The following SDAD1 variants were observed in gnomAD, a reference collection of about 807,000 sequenced individuals.
SDAD1 encodes the protein SDA1 domain containing 1.
Under a neutral mutation model 100.3 loss-of-function variants are expected in SDAD1, and 79 were observed. That is an observed-to-expected ratio of 0.79 (90% CI 0.66 to 0.95). The LOEUF is 0.95. SDAD1 is among the 40% of genes least tolerant of loss of function. The pLI is 0.00. For missense variants in SDAD1, 790 were observed against 810.9 expected (o/e 0.97, Z 0.31); for synonymous variants, 267 against 271.4 (o/e 0.98, Z 0.16).
At chr4:75,972,065 A>G (rs545609698) in intron 8 of SDAD1, among the ~76,000 whole-genome samples, 48 of 151,858 alleles carry the variant, frequency 3.2e-4, no homozygotes, top group African/African-American at 1.1e-3. Flanking sequence ...CAGCCTCCCA[A>G]GTAGCTGGGA....
Position 75,977,679 on chromosome 4 carries a change from T to C in SDAD1, c.372A>G (p.Glu124=). 1 of 1,613,106 alleles carries C rather than the reference T, an allele frequency of 6.2e-7. No individual in the cohort carries two copies. The highest frequency in any genetic ancestry group is 8.5e-7 in the Non-Finnish European group (1 of 1,179,516). Residue 124 remains glutamate (E), a synonymous_variant, in exon 4 of 22, where the codon GAA becomes GAG. Coordinates refer to ENST00000356260, the MANE Select transcript of SDAD1 (RefSeq NM_018115.4). Reference sequence around the variant, plus strand: ...GAAGTTTATCATGGCAACGAAAAAGTTCAAAGAAGAGTTCTAGCAGGCTTG... The same window carrying C: ...GAAGTTTATCATGGCAACGAAAAAGCTCAAAGAAGAGTTCTAGCAGGCTTG... The part of the protein sequence containing the change: ...NPSSLLELFF[E]LFRCHDKLLR...
rs1397275730 is a variant in SDAD1 at position 75,950,468 on chromosome 4, C to T, written c.*282G>A. 6.2e-6 allele frequency: 2 copies of T among 324,424 alleles called. No individual in the cohort carries two copies. The highest frequency in any genetic ancestry group is 1.2e-5 in the Non-Finnish European group (2 of 170,350). 20.1% of individuals were successfully genotyped at this position (324,424 alleles called of 1,614,324 possible). ...TTGAGTGAAGGGGTTACAGCTCATTCGTTTTGCATCTACAGTGACAATGAA... is the reference window on the plus strand; with the variant it reads ...TTGAGTGAAGGGGTTACAGCTCATTTGTTTTGCATCTACAGTGACAATGAA... On this transcript the variant is annotated 3_prime_UTR_variant, in exon 22 of 22. Transcript: ENST00000356260.
chr4:75,988,524 C>A (rs1731037106), intron 1 of SDAD1, among the ~76,000 whole-genome samples: 1 of 152,228 alleles, frequency 6.6e-6, no homozygotes, highest in South Asian at 2.1e-4. Flanking sequence ...TCACCCCCAA[C>A]ATACATAAGT....
In SDAD1 at chr4:75,957,626, T is replaced by C. The variant is rs761309920; in HGVS notation, c.1661A>G (p.Glu554Gly). ...GGCCATGCGGATTTTCTGGAAGTCT[T>C]CCTGAGTTAAAACTCGGCTAGTGCT... ...AISTSRVLTQEDFQKIRMAQM... is the reference protein window; with the variant it reads ...AISTSRVLTQGDFQKIRMAQM... The change falls in exon 19 of 22, where the codon GAA becomes GGA. Residue 554 changes from glutamate (E) to glycine (G), a missense_variant. Glu to Gly is a moderately conservative substitution (Grantham distance 98). Coordinates refer to ENST00000356260, the MANE Select transcript of SDAD1 (RefSeq NM_018115.4). 1.8e-5 allele frequency: 29 copies of C among 1,614,078 alleles called. 1 individual carries two copies. In the South Asian group the frequency reaches 3.1e-4, roughly 17 times the overall value.
chr4:75,952,325 C>T (rs1041469100), intron 21 of SDAD1, among the ~76,000 whole-genome samples: 1 of 152,122 alleles, frequency 6.6e-6, no homozygotes, highest in Non-Finnish European at 1.5e-5. Flanking sequence ...GAATTTACTT[C>T]CACTCATTAA....
At chr4:75,955,584 T>A (rs926454014) in intron 21 of SDAD1, among the ~76,000 whole-genome samples, 9 of 152,214 alleles carry the variant, frequency 5.9e-5, no homozygotes, top group African/African-American at 1.9e-4. Flanking sequence ...AAACCAGGCA[T>A]AAAATTGGCA....
intron 3 of SDAD1, 21 bp from the exon 4 acceptor site, chr4:75,977,777 A>G (rs1578140209): frequency 7.0e-7 from 1 of 1,418,756 alleles, no homozygotes. Context: ...AAAAAAACAT[A>G]CCATAAGACA....
chr4:75,990,069 G>C (rs576041857), intron 1 of SDAD1, among the ~76,000 whole-genome samples: 4 of 152,154 alleles, frequency 2.6e-5, no homozygotes, highest in Non-Finnish European at 5.9e-5. Flanking sequence ...CTTTCGTTTT[G>C]TCGGTACTTG....
chr4:75,986,229 C>A (rs1268438451), intron 1 of SDAD1, among the ~76,000 whole-genome samples: 2 of 152,188 alleles, frequency 1.3e-5, no homozygotes. Flanking sequence ...ATCAATCCAA[C>A]TGCCCTAGCC....
chr4:75,952,617 A>C (rs914653020), intron 21 of SDAD1, among the ~76,000 whole-genome samples: 1 of 152,112 alleles, frequency 6.6e-6, no homozygotes, highest in Non-Finnish European at 1.5e-5. Context: ...AATATCACCA[A>C]AGGGTAGGGG....
chr4:75,958,949 T>C (rs1375850674), intron 17 of SDAD1, among the ~76,000 whole-genome samples: 1 of 151,042 alleles, frequency 6.6e-6, no homozygotes, highest in Non-Finnish European at 1.5e-5. Context: ...ATACAAAAAA[T>C]TAGCTAGGTG....
At chr4:75,971,838 C>A (rs1204533464) in intron 8 of SDAD1, among the ~76,000 whole-genome samples, 1 of 152,064 alleles carries the variant, frequency 6.6e-6, no homozygotes, top group African/African-American at 2.4e-5. Context: ...CGCCACTGCA[C>A]TCCAGCCTGT....
chr4:75,972,681 A>C (rs917434141), intron 8 of SDAD1, among the ~76,000 whole-genome samples: 2 of 150,232 alleles, frequency 1.3e-5, no homozygotes, highest in Non-Finnish European at 3.0e-5. Flanking sequence ...TCTTATTTTA[A>C]TATTTTATGC....
Position 75,965,773 on chromosome 4 carries a change from T to C in SDAD1, c.1095A>G (p.Val365=). 6.2e-7 allele frequency: 1 copy of C among 1,613,316 alleles called. No individual in the cohort carries two copies. Among genetic ancestry groups the C allele is most frequent in the Non-Finnish European group, 8.5e-7 (1 of 1,179,394 alleles). The change falls in exon 13 of 22, where the codon GTA becomes GTG. Residue 365 remains valine, a synonymous_variant. Coordinates refer to ENST00000356260, the MANE Select transcript of SDAD1 (RefSeq NM_018115.4). ...LFAAQASHHL[V]PPEIIQSLLM... is the part of the protein sequence containing the mutation. The stretch of plus-strand genomic sequence containing the variant: ...GGTTACAGGTTCTCACCTCTGGGGG[T>C]ACTAGGTGATGAGATGCTTGTGCAG...
chr4:75,953,071 C>T (rs905487085), intron 21 of SDAD1, among the ~76,000 whole-genome samples: 1 of 152,080 alleles, frequency 6.6e-6, no homozygotes, highest in Admixed American at 6.5e-5. Flanking sequence ...GAAGAAAATA[C>T]AGGGCAAAGG....
chr4:75,955,116 G>A (rs952262704), intron 21 of SDAD1, among the ~76,000 whole-genome samples: 5 of 152,242 alleles, frequency 3.3e-5, no homozygotes, highest in African/African-American at 1.2e-4. Context: ...TTAAGGCTCT[G>A]TTAGAAATTG....
intron 2 of SDAD1, 147 bp downstream of exon 2, chr4:75,981,786 G>GAA (rs1375526830): frequency 1.4e-6 from 1 of 718,130 alleles, no homozygotes; most frequent in Non-Finnish European, 2.2e-6. Context: ...ATGATAGGGA[G>GAA]AAAATAAAAT....
chr4:75,971,169 C>T (rs1235512488), intron 9 of SDAD1, among the ~76,000 whole-genome samples, 188 bp downstream of exon 9: 3 of 152,162 alleles, frequency 2.0e-5, no homozygotes, highest in African/African-American at 7.2e-5. Context: ...CTAATTTATC[C>T]AAGTCACTGA....
At chr4:75,954,225 C>CA (rs1230626295) in intron 21 of SDAD1, among the ~76,000 whole-genome samples, 1 of 151,864 alleles carries the variant, frequency 6.6e-6, no homozygotes, top group Non-Finnish European at 1.5e-5. Context: ...ACTAAAAATA[C>CA]AAAAAAATTA....
Sources: allele counts gnomAD v4.1 joint callset (sites outside exome capture counted in the v4.1 genomes callset), GRCh38; gene constraint gnomAD v4.1.1; transcripts MANE v1.5; gene names NCBI Gene and HGNC (gene_info 2026-07-23, HGNC 2026-07-21).